Variants in USP32 observed in about 807,000 individuals in gnomAD.
The protein encoded by USP32 is ubiquitin specific peptidase 32.
In USP32, 59 loss-of-function variants were observed where a neutral mutation model predicts 204.8. The observed-to-expected ratio is 0.29, with a 90% CI of 0.23 to 0.36. USP32 has a LOEUF of 0.36. USP32 is among the 10% of genes least tolerant of loss of function. The pLI, the probability that USP32 is intolerant of heterozygous loss-of-function variation, is 1.00. For synonymous variants in USP32, 517 were observed against 678.4 expected (o/e 0.76, Z 3.70); for missense variants, 1,160 against 1,946.4 (o/e 0.60, Z 7.60).
At chr17:60,183,650 T>C (rs1211329797) in intron 30 of USP32, among the ~76,000 whole-genome samples, 197 bp from the exon 31 acceptor site, 1 of 152,252 alleles carries the variant, frequency 6.6e-6, no homozygotes, top group Non-Finnish European at 1.5e-5. Flanking sequence ...GGTGTGCTTG[T>C]GCACACACAC....
intron 1 of USP32, chr17:60,421,424 G>C: frequency 1.0e-6 from 1 of 985,688 alleles, no homozygotes; most frequent in Non-Finnish European, 1.2e-6. Flanking sequence ...TGGGTGGCAG[G>C]GGAGGCCCGG....
chr17:60,379,576 T>G (rs1023857789), intron 1 of USP32, among the ~76,000 whole-genome samples: 43 of 152,182 alleles, frequency 2.8e-4, no homozygotes, highest in African/African-American at 9.2e-4. Context: ...TCTTCTAAAT[T>G]ACAGTGTAAC....
At chr17:60,203,897 A>G (rs1338657852) in intron 26 of USP32, among the ~76,000 whole-genome samples, 2 of 152,136 alleles carry the variant, frequency 1.3e-5, no homozygotes, top group African/African-American at 2.4e-5. Flanking sequence ...TATAAAATTA[A>G]GACACTAAAG....
intron 3 of USP32, among the ~76,000 whole-genome samples, chr17:60,296,928 C>T (rs892305148): frequency 5.9e-5 from 9 of 152,154 alleles, no homozygotes; most frequent in Admixed American, 3.3e-4. Context: ...AGGGGATGGG[C>T]AGTCAGACAC....
In USP32 at chr17:60,187,473, C is replaced by T. The variant is rs114953030; in HGVS notation, c.3643-1822G>A. On this transcript the variant is annotated intron_variant, in intron 29 of 33. Coordinates refer to ENST00000300896, the MANE Select transcript of USP32 (RefSeq NM_032582.4). ...AAAACTGATGTGCTTCAAAAGGAAA[C>T]GTGCTGCATCATCGTTGTTGGAATG... 6.6e-3 allele frequency among the ~76,000 whole-genome samples: 1,003 copies of T among 152,232 alleles called. 12 individuals are homozygous for T. The highest frequency in any genetic ancestry group is 0.023 in the African/African-American group (961 of 41,548).
chr17:60,226,980 G>A (rs1034944877), intron 12 of USP32, among the ~76,000 whole-genome samples: 1 of 139,994 alleles, frequency 7.1e-6, no homozygotes, highest in Admixed American at 7.4e-5. Flanking sequence ...GGAGGTTGCA[G>A]TAAGCTGAGA....
At chr17:60,267,291 C>CA (rs1461126038) in intron 7 of USP32, among the ~76,000 whole-genome samples, 2 of 151,746 alleles carry the variant, frequency 1.3e-5, no homozygotes, top group Non-Finnish European at 2.9e-5. Flanking sequence ...CCTGTAATCT[C>CA]AGCTACTTGG....
intron 1 of USP32, among the ~76,000 whole-genome samples, chr17:60,366,193 C>G (rs2146071953): frequency 6.7e-6 from 1 of 150,086 alleles, no homozygotes; most frequent in African/African-American, 2.5e-5. Context: ...GAGTCTTGCT[C>G]TGTCGCCTAG....
chr17:60,221,751 G>A (rs547765841), intron 15 of USP32, among the ~76,000 whole-genome samples: 1 of 152,122 alleles, frequency 6.6e-6, no homozygotes, highest in South Asian at 2.1e-4. Flanking sequence ...TGATCTGCCT[G>A]CCTCGGCCTT....
intron 5 of USP32, among the ~76,000 whole-genome samples, chr17:60,284,990 T>C (rs2087073964): frequency 6.6e-6 from 1 of 152,226 alleles, no homozygotes; most frequent in South Asian, 2.1e-4. Context: ...TATTGAGAGC[T>C]GAGCTTATCT....
At chr17:60,217,245 A>G (rs1376102966) in intron 16 of USP32, among the ~76,000 whole-genome samples, 1 of 152,114 alleles carries the variant, frequency 6.6e-6, no homozygotes, top group Admixed American at 6.5e-5. Flanking sequence ...AAGAGTTACA[A>G]AGAATACCTA....
At chr17:60,264,200 G>A (rs921188195) in intron 9 of USP32, among the ~76,000 whole-genome samples, 3 of 151,932 alleles carry the variant, frequency 2.0e-5, no homozygotes, top group East Asian at 3.8e-4. Flanking sequence ...AAAGGACACA[G>A]GAGAGGTCCT....
At chr17:60,208,315 T>G in intron 23 of USP32, 105 bp from the exon 24 acceptor site, 1 of 1,120,954 alleles carries the variant, frequency 8.9e-7, no homozygotes, top group Non-Finnish European at 1.2e-6. Context: ...AGCAAATATT[T>G]CAGCCTAGAA....
intron 12 of USP32, among the ~76,000 whole-genome samples, chr17:60,232,475 AATTT>A (rs2085592016): frequency 7.3e-6 from 1 of 136,786 alleles, no homozygotes; most frequent in African/African-American, 3.3e-5. Context: ...ACCTGGCCCA[AATTT>A]TTTTTTTTTT....
At chr17:60,349,489 A>G (rs901610540) in intron 1 of USP32, among the ~76,000 whole-genome samples, 36 of 146,004 alleles carry the variant, frequency 2.5e-4, no homozygotes, top group Admixed American at 9.7e-4. Flanking sequence ...CTGAGGCAGG[A>G]GGATTGAGGA....
intron 1 of USP32, among the ~76,000 whole-genome samples, chr17:60,388,658 T>C (rs1166083908): frequency 6.6e-6 from 1 of 152,158 alleles, no homozygotes; most frequent in African/African-American, 2.4e-5. Context: ...GCTTTCCTTG[T>C]GTTTTACTCA....
rs2084966683 is a variant in USP32, at chr17:60,211,521, C to G, written c.2180-7G>C. ...GCTCCCTTTTCTGTGGGAACTGGAA[C>G]AAACAATATGAGAACCAAAGCTTAG... On this transcript the variant is annotated splice_polypyrimidine_tract_variant and splice_region_variant and intron_variant, in intron 19 of 33. Coordinates refer to ENST00000300896, the MANE Select transcript of USP32 (RefSeq NM_032582.4). 2 of 1,608,196 alleles carry G rather than the reference C, an allele frequency of 1.2e-6. No individual in the cohort carries two copies. Among genetic ancestry groups the G allele is most frequent in the East Asian group, 2.2e-5 (1 of 44,744 alleles).
rs199945638 is a variant in USP32, at chr17:60,222,427, G to C, written c.1731C>G (p.Asn577Lys). Residue 577 changes from asparagine to lysine, a missense_variant, in exon 15 of 34, where the codon AAC becomes AAG. By Grantham distance (94) the Asn-to-Lys change is moderately conservative (BLOSUM62 0). Transcript: ENST00000300896. ...WRALYHWYGA[N>K]LALPRPVIKN... ...TACTTACTGGTCTAGGTAAGGCCAG[G>C]TTTGCTCCATACCAGTGATAAAGTG... 6.2e-7 allele frequency: 1 copy of C among 1,614,030 alleles called. No homozygotes were observed. The highest frequency in any genetic ancestry group is 1.7e-5 in the Admixed American group (1 of 60,018).
At chr17:60,287,121 G>C (rs958320560) in intron 5 of USP32, among the ~76,000 whole-genome samples, 1 of 152,170 alleles carries the variant, frequency 6.6e-6, no homozygotes, top group Non-Finnish European at 1.5e-5. Context: ...CTGCACTCCA[G>C]CCTGGGCGAC....
Sources: gnomAD v4.1 joint callset for allele counts (sites outside exome capture counted in the v4.1 genomes callset) on GRCh38, gnomAD v4.1.1 for gene constraint, MANE v1.5 for transcripts, NCBI Gene and HGNC (gene_info 2026-07-23, HGNC 2026-07-21) for gene names.